BMPER: variants seen among roughly 807,000 people sequenced by gnomAD.
BMPER encodes the protein BMP-binding endothelial regulator protein.
Under a neutral mutation model 87.3 loss-of-function variants are expected in BMPER, and 45 were observed. The ratio of observed to expected loss-of-function variants is 0.52; its 90% CI spans 0.41 to 0.66. BMPER has a LOEUF of 0.66. BMPER is among the 30% of genes least tolerant of loss of function. The pLI is 0.00. For missense variants in BMPER, 784 were observed against 867.5 expected, an observed-to-expected ratio of 0.90 and a Z score of 1.21; for synonymous variants, 326 against 316.2, an observed-to-expected ratio of 1.03 and a Z score of -0.33.
chr7:33,932,707 C>G, intron 2 of BMPER, among the ~76,000 whole-genome samples: 1 of 152,136 alleles, frequency 6.6e-6, no homozygotes, highest in East Asian at 1.9e-4. Flanking sequence ...GCTGCGTTTT[C>G]CTCTCCAGAT....
intron 8 of BMPER, among the ~76,000 whole-genome samples, chr7:34,052,205 G>A (rs1321091974): frequency 6.6e-6 from 1 of 152,160 alleles, no homozygotes. Flanking sequence ...TGAGAATCAG[G>A]CTCCAAGGGC....
At chr7:33,972,930 C>T (rs1379125346) in intron 5 of BMPER, among the ~76,000 whole-genome samples, 1 of 152,172 alleles carries the variant, frequency 6.6e-6, no homozygotes, top group Non-Finnish European at 1.5e-5. Context: ...TCAGGCAAAT[C>T]TAGGGAGGGA....
At chr7:33,994,280 G>C (rs1164830944) in intron 6 of BMPER, among the ~76,000 whole-genome samples, 1 of 152,246 alleles carries the variant, frequency 6.6e-6, no homozygotes, top group Non-Finnish European at 1.5e-5. Flanking sequence ...AGACTCCGTG[G>C]GCGTAGGACC....
Position 33,959,429 on chromosome 7 carries a change from C to G in BMPER, c.320-7050C>G, listed in dbSNP as rs1375162985. Reference sequence around the variant, plus strand: ...TGGTGTAATATTATTTTCCTTCTTTCTCCATTTTTGTTCAGCATGAGCTCA... The same window carrying G: ...TGGTGTAATATTATTTTCCTTCTTTGTCCATTTTTGTTCAGCATGAGCTCA... On this transcript the variant is annotated intron_variant, in intron 3 of 14. Transcript: ENST00000649409. 2.0e-5 allele frequency among the ~76,000 whole-genome samples: 3 copies of G among 152,090 alleles called. No homozygotes were observed. The South Asian group carries it at 6.2e-4, about 31-fold the overall frequency.
chr7:34,149,339 G>A (rs1791112286), intron 14 of BMPER, among the ~76,000 whole-genome samples: 2 of 152,184 alleles, frequency 1.3e-5, no homozygotes, highest in African/African-American at 4.8e-5. Flanking sequence ...AGGGATTAAA[G>A]CAAATAAGCA....
chr7:33,966,355 G>A (rs867203302), intron 3 of BMPER, 124 bp from the exon 4 acceptor site: 10 of 801,542 alleles, frequency 1.2e-5, no homozygotes, highest in Middle Eastern at 4.5e-4. Flanking sequence ...AATAGCCAAA[G>A]AGCATGGTGG....
chr7:34,097,721 T>G (rs1789566045), intron 13 of BMPER, among the ~76,000 whole-genome samples: 2 of 152,128 alleles, frequency 1.3e-5, no homozygotes, highest in East Asian at 3.9e-4. Context: ...ATAAGAACAG[T>G]CCAGGATCAT....
intron 13 of BMPER, among the ~76,000 whole-genome samples, chr7:34,124,790 A>C (rs1390846901): frequency 6.6e-6 from 1 of 152,060 alleles, no homozygotes; most frequent in East Asian, 1.9e-4. Context: ...TGGCTCTCTA[A>C]ATTGAGACAG....
At chr7:33,928,476 T>G (rs1784410459) in intron 2 of BMPER, among the ~76,000 whole-genome samples, 1 of 151,996 alleles carries the variant, frequency 6.6e-6, no homozygotes. Context: ...GTTGTTTTTT[T>G]TTGTGTTCTG....
At chr7:34,003,322 T>C (rs1287880848) in intron 6 of BMPER, among the ~76,000 whole-genome samples, 1 of 151,936 alleles carries the variant, frequency 6.6e-6, no homozygotes, top group Non-Finnish European at 1.5e-5. Flanking sequence ...TTCAGATTTA[T>C]ACCAATTTAA....
chr7:34,120,387 G>T (rs1790231275), intron 13 of BMPER, among the ~76,000 whole-genome samples: 1 of 131,546 alleles, frequency 7.6e-6, no homozygotes. Flanking sequence ...ATTATTTTGA[G>T]TCGTGTTTTT....
Position 34,153,768 on chromosome 7 carries a change from G to C in BMPER, c.*495G>C, listed in dbSNP as rs1791245035. 1.1e-5 allele frequency: 2 copies of C among 178,330 alleles called. No homozygotes were observed. Among genetic ancestry groups the C allele is most frequent in the Admixed American group, 1.1e-4 (2 of 18,220 alleles). 11.0% of individuals were successfully genotyped at this position (178,330 alleles called of 1,614,324 possible). A position where few individuals can be genotyped will look rare whatever the true frequency, so the allele number is the denominator to read the frequency against. Reference sequence around the variant, plus strand: ...TTTCCAAAGAAAGGAATGTATGCCTGGGAAAGACAGCAGGAGATTGGTGAC... The same window carrying C: ...TTTCCAAAGAAAGGAATGTATGCCTCGGAAAGACAGCAGGAGATTGGTGAC... On this transcript the variant is annotated 3_prime_UTR_variant, in exon 15 of 15. Coordinates refer to ENST00000649409, the MANE Select transcript of BMPER (RefSeq NM_001365308.1).
intron 13 of BMPER, among the ~76,000 whole-genome samples, chr7:34,130,743 A>G (rs1423751067): frequency 6.6e-6 from 1 of 152,158 alleles, no homozygotes; most frequent in Admixed American, 6.5e-5. Context: ...AATGTTTAAG[A>G]GCAACCTTAT....
chr7:34,094,013 G>A (rs539274437), intron 13 of BMPER, among the ~76,000 whole-genome samples: 3 of 152,242 alleles, frequency 2.0e-5, no homozygotes, highest in East Asian at 1.9e-4. Context: ...ATTCCAGGTC[G>A]CCTGCGCAGC....
intron 13 of BMPER, among the ~76,000 whole-genome samples, chr7:34,089,515 G>T (rs977979734): frequency 1.3e-5 from 2 of 151,902 alleles, no homozygotes; most frequent in Non-Finnish European, 2.9e-5. Flanking sequence ...ACAGAGTCTT[G>T]CTCTGTCACC....
At chr7:34,095,197 C>G (rs1352282106) in intron 13 of BMPER, among the ~76,000 whole-genome samples, 1 of 152,080 alleles carries the variant, frequency 6.6e-6, no homozygotes, top group Non-Finnish European at 1.5e-5. Context: ...ATCAACTCGC[C>G]CTCAGTGTGC....
rs1353780609 is a variant in BMPER at position 34,155,113 on chromosome 7, G to A, written c.*1840G>A. 3 of 152,228 alleles carry A rather than the reference G, an allele frequency of 2.0e-5. No homozygotes were observed. Among genetic ancestry groups the A allele is most frequent in the African/African-American group, 7.2e-5 (3 of 41,454 alleles). 9.4% of individuals were successfully genotyped at this position (152,228 alleles called of 1,614,324 possible). Reference sequence around the variant, plus strand: ...CTAACAGGCTAGGAGACTTTGGGCAGTAATGGGAGGCACTGAGGGTTTGCA... The same window carrying A: ...CTAACAGGCTAGGAGACTTTGGGCAATAATGGGAGGCACTGAGGGTTTGCA... On this transcript the variant is annotated 3_prime_UTR_variant, in exon 15 of 15. Coordinates refer to ENST00000649409, the MANE Select transcript of BMPER (RefSeq NM_001365308.1).
intron 2 of BMPER, 24 bp downstream of exon 2, chr7:33,906,927 T>C: frequency 6.4e-7 from 1 of 1,551,394 alleles, no homozygotes; most frequent in Non-Finnish European, 8.9e-7. Flanking sequence ...TCAGGTAATA[T>C]GAACTCAACT....
chr7:33,947,099 C>G (rs1376146504), intron 3 of BMPER, among the ~76,000 whole-genome samples: 3 of 152,144 alleles, frequency 2.0e-5, no homozygotes. Flanking sequence ...AATAGCCTAA[C>G]AACTGGGCAG....
Sources: gnomAD v4.1 joint callset for allele counts (sites outside exome capture counted in the v4.1 genomes callset) on GRCh38, gnomAD v4.1.1 for gene constraint, MANE v1.5 for transcripts, NCBI Gene and HGNC (gene_info 2026-07-23, HGNC 2026-07-21) for gene names.